The following CALU variants were observed in gnomAD, a reference collection of about 807,000 sequenced individuals.
The protein encoded by CALU is IEF SSP 9302.
CALU carries 13 observed loss-of-function variants against 37.5 expected under a neutral mutation model. That is an observed-to-expected ratio of 0.35 (90% CI 0.23 to 0.55). The LOEUF is 0.55. Ranked by LOEUF, CALU falls within the 20% of genes least tolerant of loss-of-function variation. CALU has a pLI of 0.89. For missense variants in CALU, 282 were observed against 391.7 expected, an observed-to-expected ratio of 0.72 and a Z score of 2.36; for synonymous variants, 114 against 133.8, an observed-to-expected ratio of 0.85 and a Z score of 1.02.
At chr7:128,751,793 T>C (rs566085834) in intron 2 of CALU, among the ~76,000 whole-genome samples, 1 of 152,316 alleles carries the variant, frequency 6.6e-6, no homozygotes, top group South Asian at 2.1e-4. Context: ...TAGTCACCCT[T>C]CTGGAGCCCA....
intron 1 of CALU, among the ~76,000 whole-genome samples, chr7:128,741,384 G>C (rs1800234300): frequency 6.6e-6 from 1 of 152,186 alleles, no homozygotes; most frequent in Admixed American, 6.5e-5. Flanking sequence ...AAAAGTGCAA[G>C]ACAATGTATT....
intron 1 of CALU, among the ~76,000 whole-genome samples, chr7:128,747,020 G>A (rs1452281443): frequency 6.6e-5 from 10 of 152,020 alleles, no homozygotes; most frequent in Admixed American, 2.0e-4. Context: ...CACCCGCCTC[G>A]GCCTCCCAGT....
intron 6 of CALU, among the ~76,000 whole-genome samples, chr7:128,768,075 G>A (rs1801403336): frequency 6.6e-6 from 1 of 151,970 alleles, no homozygotes; most frequent in Admixed American, 6.6e-5. Context: ...CTTTGTATGG[G>A]CTATAAATCA....
Position 128,754,450 on chromosome 7 carries a change from T to C in CALU, c.410T>C (p.Val137Ala). The change falls in exon 3 of 7, where the codon GTT becomes GCT. Residue 137 changes from valine to alanine, a missense_variant. By Grantham distance (64) the Val-to-Ala change is moderately conservative. Coordinates refer to ENST00000249364, the MANE Select transcript of CALU (RefSeq NM_001219.5). ...TATAAAAATGCCACCTACGGCTACG[T>C]TTTAGGTAGGTCCCTACTGTCTGGG... ...EEYKNATYGY[V>A]LDDPDPDDGF... 2 of 1,612,428 alleles carry C rather than the reference T, an allele frequency of 1.2e-6. No individual in the cohort carries two copies. The highest frequency in any genetic ancestry group is 1.1e-5 in the South Asian group (1 of 90,764).
chr7:128,761,116 T>C (rs899634101), intron 5 of CALU, among the ~76,000 whole-genome samples: 7 of 152,234 alleles, frequency 4.6e-5, no homozygotes, highest in Non-Finnish European at 1.0e-4. Context: ...AGTTTCTCCC[T>C]TTTGACATTT....
intron 2 of CALU, 24 bp downstream of exon 2, chr7:128,748,828 C>T (rs763096429): frequency 6.8e-7 from 1 of 1,472,560 alleles, no homozygotes; most frequent in Admixed American, 1.7e-5. Flanking sequence ...TCTCAGGGGT[C>T]TAGTGTGGGT....
intron 5 of CALU, among the ~76,000 whole-genome samples, chr7:128,764,443 T>C (rs1801247562): frequency 6.6e-6 from 1 of 152,056 alleles, no homozygotes; most frequent in Admixed American, 6.6e-5. Context: ...AAAAGAATAA[T>C]CTCTGTTGGT....
At chr7:128,746,617 C>A (rs1202502873) in intron 1 of CALU, among the ~76,000 whole-genome samples, 1 of 152,098 alleles carries the variant, frequency 6.6e-6, no homozygotes. Context: ...CCATGCCCAG[C>A]TAATTTTTGT....
chr7:128,766,521 TG>T (rs1158697269), intron 5 of CALU, among the ~76,000 whole-genome samples: 3 of 148,862 alleles, frequency 2.0e-5, no homozygotes, highest in African/African-American at 7.5e-5. Context: ...CTCTGCCTCC[TG>T]GGTTCAAGTG....
chr7:128,753,550 T>C (rs1451331521), intron 2 of CALU, among the ~76,000 whole-genome samples: 3 of 152,252 alleles, frequency 2.0e-5, no homozygotes, highest in Non-Finnish European at 2.9e-5. Context: ...AACATTCTTA[T>C]AATCAGATAT....
At chr7:128,756,244 T>A (rs2128880501) in intron 3 of CALU, among the ~76,000 whole-genome samples, 2 of 152,310 alleles carry the variant, frequency 1.3e-5, no homozygotes, top group South Asian at 4.1e-4. Context: ...TAAATAAATC[T>A]CAGCTCCGAC....
intron 6 of CALU, 126 bp from the exon 7 acceptor site, chr7:128,768,937 T>TA (rs1801449631): frequency 1.7e-6 from 1 of 597,690 alleles, no homozygotes; most frequent in East Asian, 2.9e-5. Flanking sequence ...GCTGAGTAGT[T>TA]CACACTTAAT....
At chr7:128,749,583 A>G (rs1207926381) in intron 2 of CALU, among the ~76,000 whole-genome samples, 1 of 152,212 alleles carries the variant, frequency 6.6e-6, no homozygotes, top group African/African-American at 2.4e-5. Flanking sequence ...ATTGTATTCA[A>G]GAGATTTGTG....
At chr7:128,757,168 CA>C (rs1278862706) in intron 3 of CALU, among the ~76,000 whole-genome samples, 3 of 152,026 alleles carry the variant, frequency 2.0e-5, no homozygotes, top group African/African-American at 7.3e-5. Context: ...GTCCAGTCAC[CA>C]TTTTTACCTT....
rs186948883 is a variant in CALU, at chr7:128,744,748, G to C, written c.-11-3825G>C. 7.9e-5 allele frequency among the ~76,000 whole-genome samples: 12 copies of C among 152,220 alleles called. 1 individual carries two copies. The East Asian group carries it at 2.3e-3, about 29-fold the overall frequency. ...CAAGCATGAAGGAACAGCACAGTCTGGGAAAGACTGTGGGTAGTGGAGACC... is the reference window on the plus strand; with the variant it reads ...CAAGCATGAAGGAACAGCACAGTCTCGGAAAGACTGTGGGTAGTGGAGACC... On this transcript the variant is annotated intron_variant, in intron 1 of 6. Coordinates refer to ENST00000249364, the MANE Select transcript of CALU (RefSeq NM_001219.5).
At chr7:128,757,036 A>C (rs2128880680) in intron 3 of CALU, among the ~76,000 whole-genome samples, 1 of 152,142 alleles carries the variant, frequency 6.6e-6, no homozygotes, top group East Asian at 1.9e-4. Flanking sequence ...CTATGATTGC[A>C]TTGCACTCCA....
intron 1 of CALU, among the ~76,000 whole-genome samples, chr7:128,742,333 C>T (rs1584997176): frequency 6.6e-6 from 1 of 152,188 alleles, no homozygotes; most frequent in East Asian, 1.9e-4. Flanking sequence ...CCTGCTTTTG[C>T]TGCGTTATGG....
Position 128,754,209 on chromosome 7 carries a change from C to T in CALU, c.222-53C>T, listed in dbSNP as rs554351552. On this transcript the variant is annotated intron_variant, in intron 2 of 6. Transcript: ENST00000249364. ...CCCTGGGCACACACCTGGCTAAGTC[C>T]AGAGTTCTGTGTCTTTTTAACCTTT... The T allele has an allele frequency of 9.0e-5, 128 of 1,423,432 alleles. 2 individuals carry two copies. In the Middle Eastern group the frequency reaches 1.1e-3, roughly 12 times the overall value. The allele number at this position is 1,423,432 out of a possible 1,614,324, so 88.2% of individuals were successfully genotyped here. A position where few individuals can be genotyped will look rare whatever the true frequency, so the allele number is the denominator to read the frequency against.
rs1801591526 is a variant in CALU at position 128,772,058 on chromosome 7, T to C, written c.*2891T>C. Among the ~76,000 whole-genome samples the C allele has an allele frequency of 1.3e-5, 1 of 77,478 alleles. No homozygotes were observed. The highest frequency in any genetic ancestry group is 3.9e-5 in the African/African-American group (1 of 25,806). The allele number at this position is 77,478 out of a possible 152,430, so 50.8% of individuals were successfully genotyped here. A position where few individuals can be genotyped will look rare whatever the true frequency, so the allele number is the denominator to read the frequency against. On this transcript the variant is annotated 3_prime_UTR_variant, in exon 7 of 7. Transcript: ENST00000249364. ...ACTCATATTTGGGGCCACTGAGTTTTTTTTGTTTTTTTTTTTGTTTTGTTT... is the reference window on the plus strand; with the variant it reads ...ACTCATATTTGGGGCCACTGAGTTTCTTTTGTTTTTTTTTTTGTTTTGTTT...
Sources: gnomAD v4.1 joint callset for allele counts (sites outside exome capture counted in the v4.1 genomes callset) on GRCh38, gnomAD v4.1.1 for gene constraint, MANE v1.5 for transcripts, NCBI Gene and HGNC (gene_info 2026-07-23, HGNC 2026-07-21) for gene names.